The following GCSAML variants were observed in gnomAD, a reference collection of about 807,000 sequenced individuals.
GCSAML encodes the protein germinal center associated signaling and motility like, also known as germinal center-associated signaling and motility-like protein.
In GCSAML, 9 loss-of-function variants were observed where a neutral mutation model predicts 13.0. That is an observed-to-expected ratio of 0.69 (90% CI 0.42 to 1.21). The LOEUF (loss-of-function observed/expected upper bound fraction) is 1.21, where lower values mean the gene tolerates loss of function less well. GCSAML is among the 50% of genes most tolerant of loss of function. The pLI, the probability that GCSAML is intolerant of heterozygous loss-of-function variation, is 0.00. For missense variants in GCSAML, 143 were observed against 153.4 expected (o/e 0.93, Z 0.36); for synonymous variants, 37 against 52.9 (o/e 0.70, Z 1.31).
At chr1:247,551,817 G>GAT (rs888874692) in intron 1 of GCSAML, among the ~76,000 whole-genome samples, 2 of 152,200 alleles carry the variant, frequency 1.3e-5, no homozygotes, top group African/African-American at 4.8e-5. Context: ...GGACAAAAAG[G>GAT]ATATGACCTA....
intron 2 of GCSAML, chr1:247,532,055 C>T: frequency 6.2e-7 from 1 of 1,613,868 alleles, no homozygotes; most frequent in Non-Finnish European, 8.5e-7. Context: ...GTGGTCAGAC[C>T]CCCCAGCCAG....
upstream of GCSAML, chr1:247,549,071 A>G (rs777542648): frequency 6.2e-7 from 1 of 1,605,106 alleles, no homozygotes; most frequent in Admixed American, 1.7e-5. Flanking sequence ...GGTTGGCAAG[A>G]GCACGAACCC....
intron 2 of GCSAML, chr1:247,531,819 T>C (rs889439338): frequency 1.9e-6 from 3 of 1,614,210 alleles, no homozygotes; most frequent in Non-Finnish European, 2.5e-6. Context: ...GCCCTTCTGC[T>C]GACCTGATCT....
intron 2 of GCSAML, chr1:247,536,132 CAACA>C (rs905141889): frequency 9.9e-5 from 15 of 152,162 alleles, no homozygotes; most frequent in African/African-American, 3.6e-4. Flanking sequence ...ACAACAACAA[CAACA>C]AACAAACGAC....
Position 247,556,291 on chromosome 1 carries a change from G to T in GCSAML, c.30-116G>T, listed in dbSNP as rs796541424. 20 of 711,644 alleles carry T rather than the reference G, an allele frequency of 2.8e-5. 1 individual carries two copies. The African/African-American group carries it at 3.6e-4, about 13-fold the overall frequency. The allele number at this position is 711,644 out of a possible 1,614,324, so 44.1% of individuals were successfully genotyped here. A position where few individuals can be genotyped will look rare whatever the true frequency, so the allele number is the denominator to read the frequency against. On this transcript the variant is annotated intron_variant, in intron 1 of 4. Coordinates refer to ENST00000366488, the MANE Select transcript of GCSAML (RefSeq NM_145278.5). Reference sequence around the variant, plus strand: ...CTTATTGATTTTGAAGGAAAGGGAAGTTTGTCAAAAAGAAAAGTCAGGTTT... The same window carrying T: ...CTTATTGATTTTGAAGGAAAGGGAATTTTGTCAAAAAGAAAAGTCAGGTTT...
chr1:247,556,607 A>C lies in GCSAML; in HGVS notation c.89+141A>C, dbSNP rs574405992. ...GAGTTCTTTGGTGATTACCTGCATG[A>C]CTTGGCAGCAGGTTAGACATTGACT... On this transcript the variant is annotated intron_variant, in intron 2 of 4. Coordinates refer to ENST00000366488, the MANE Select transcript of GCSAML (RefSeq NM_145278.5). 8.5e-6 allele frequency: 5 copies of C among 589,516 alleles called. No individual in the cohort carries two copies. The South Asian group carries it at 1.1e-4, about 13-fold the overall frequency. 36.5% of individuals were successfully genotyped at this position (589,516 alleles called of 1,614,324 possible). A position where few individuals can be genotyped will look rare whatever the true frequency, so the allele number is the denominator to read the frequency against.
chr1:247,535,562 T>C (rs1298025385), intron 2 of GCSAML, among the ~76,000 whole-genome samples: 1 of 152,186 alleles, frequency 6.6e-6, no homozygotes, highest in East Asian at 1.9e-4. Flanking sequence ...TGTGGAAAGA[T>C]AAAAATTTTG....
intron 2 of GCSAML, among the ~76,000 whole-genome samples, chr1:247,536,805 G>A (rs1441400207): frequency 6.6e-6 from 1 of 152,152 alleles, no homozygotes; most frequent in Non-Finnish European, 1.5e-5. Context: ...TGTAGTGAGG[G>A]AGATAGTCTG....
intron 4 of GCSAML, among the ~76,000 whole-genome samples, chr1:247,569,626 G>A (rs1668522800): frequency 6.6e-6 from 1 of 152,110 alleles, no homozygotes; most frequent in Non-Finnish European, 1.5e-5. Context: ...TATTGAGGAT[G>A]TTCGCATTGA....
At chr1:247,548,342 C>G (rs924066644), upstream of GCSAML, among the ~76,000 whole-genome samples, 2 of 152,178 alleles carry the variant, frequency 1.3e-5, no homozygotes, top group African/African-American at 2.4e-5. The surrounding 1 kb of genome is among the most constrained non-coding windows in gnomAD (Gnocchi z 5.3). Context: ...GGTGGGCAGC[C>G]TAGGGGAGGA....
rs1247554740 is a variant in GCSAML, at chr1:247,526,268, T to C, written c.-262-672T>C. 1 of 152,232 alleles carries C rather than the reference T, an allele frequency of 6.6e-6. No individual in the cohort carries two copies. The highest frequency in any genetic ancestry group is 1.5e-5 in the Non-Finnish European group (1 of 68,034). 9.4% of individuals were successfully genotyped at this position (152,232 alleles called of 1,614,324 possible). A position where few individuals can be genotyped will look rare whatever the true frequency, so the allele number is the denominator to read the frequency against. On this transcript the variant is annotated intron_variant, in intron 1 of 5. Coordinates refer to the GCSAML transcript ENST00000366489. This position sits in a 1 kb window ranked among gnomAD's most constrained non-coding sequence, Gnocchi z 4.8. ...GAGAAGCTTGCCATGTTGAGGGTGA[T>C]TATAATTTTTAAAGTTTATATTTTT...
chr1:247,553,420 C>A (rs1378722866), intron 1 of GCSAML, among the ~76,000 whole-genome samples: 3 of 151,904 alleles, frequency 2.0e-5, no homozygotes, highest in Non-Finnish European at 2.9e-5. Flanking sequence ...GTACCTTTAT[C>A]ATGTTTTATA....
At position 247,563,543 on chromosome 1, in the gene GCSAML, C is replaced by A. The variant is rs766014359; in HGVS notation, c.90-47C>A. ...TGCTTTTTTTGAAAGGCATTTTCAGCTTTGGAGAACCTGGAGTATCTCATG... is the reference window on the plus strand; with the variant it reads ...TGCTTTTTTTGAAAGGCATTTTCAGATTTGGAGAACCTGGAGTATCTCATG... On this transcript the variant is annotated intron_variant, in intron 2 of 4. Transcript: ENST00000366488. 4.2e-6 allele frequency: 5 copies of A among 1,192,176 alleles called. No homozygotes were observed. In the Admixed American group the frequency reaches 7.8e-5, roughly 19 times the overall value. The allele number at this position is 1,192,176 out of a possible 1,614,324, so 73.8% of individuals were successfully genotyped here. A position where few individuals can be genotyped will look rare whatever the true frequency, so the allele number is the denominator to read the frequency against.
intron 2 of GCSAML, chr1:247,538,626 T>C (rs1448568582): frequency 2.5e-6 from 1 of 402,074 alleles, no homozygotes; most frequent in Admixed American, 3.1e-5. Context: ...AAATACTAGC[T>C]ATCTTCCCTC....
chr1:247,559,441 CTT>C (rs59754365), intron 2 of GCSAML, among the ~76,000 whole-genome samples: 1 of 151,194 alleles, frequency 6.6e-6, no homozygotes, highest in African/African-American at 2.4e-5. Context: ...TTCTGTCCAG[CTT>C]TTTTTTTCTG....
intron 4 of GCSAML, among the ~76,000 whole-genome samples, chr1:247,571,179 TG>T (rs765694488): frequency 2.6e-5 from 4 of 152,230 alleles, no homozygotes; most frequent in Non-Finnish European, 5.9e-5. Context: ...GTCTTTTAAT[TG>T]GGCCATTTAG....
At chr1:247,517,628 C>T (rs983056857) in intron 1 of GCSAML, among the ~76,000 whole-genome samples, 1 of 152,116 alleles carries the variant, frequency 6.6e-6, no homozygotes, top group Non-Finnish European at 1.5e-5. Flanking sequence ...CCAGTTAACT[C>T]GCTTGACTAG....
intron 2 of GCSAML, chr1:247,532,477 A>C (rs1187778118): frequency 1.2e-6 from 2 of 1,613,766 alleles, no homozygotes; most frequent in African/African-American, 2.7e-5. Context: ...GAGGACAAAG[A>C]CTTCTGGAGA....
intron 2 of GCSAML, among the ~76,000 whole-genome samples, chr1:247,533,070 C>A (rs1471951440): frequency 6.6e-6 from 1 of 152,152 alleles, no homozygotes; most frequent in Non-Finnish European, 1.5e-5. Flanking sequence ...TCTCAAATTC[C>A]ACAATCATCT....
Sources: allele counts gnomAD v4.1 joint callset (sites outside exome capture counted in the v4.1 genomes callset), GRCh38; gene constraint gnomAD v4.1.1; non-coding constraint Gnocchi (gnomAD v3.1); transcripts MANE v1.5; gene names NCBI Gene and HGNC (gene_info 2026-07-23, HGNC 2026-07-21).